STX8: variants seen among roughly 807,000 people sequenced by gnomAD.
STX8 encodes syntaxin-8.
A neutral mutation model predicts 37.5 loss-of-function variants in STX8; 23 were observed. The observed-to-expected ratio is 0.61, with a 90% confidence interval of 0.44 to 0.87. STX8 has a LOEUF of 0.87. STX8 is among the 40% of genes least tolerant of loss of function. The pLI is 0.00. For missense variants in STX8, 313 were observed against 284.7 expected, an observed-to-expected ratio of 1.10 and a Z score of -0.71; for synonymous variants, 115 against 99.1, an observed-to-expected ratio of 1.16 and a Z score of -0.95.
At chr17:9,474,916 G>A (rs1457490589) in intron 6 of STX8, among the ~76,000 whole-genome samples, 1 of 152,162 alleles carries the variant, frequency 6.6e-6, no homozygotes, top group Non-Finnish European at 1.5e-5. Flanking sequence ...AGGTTGCAGT[G>A]AGCTGATATC....
chr17:9,400,696 G>A (rs779458728), intron 6 of STX8, among the ~76,000 whole-genome samples: 12 of 152,156 alleles, frequency 7.9e-5, no homozygotes, highest in East Asian at 1.9e-4. Context: ...TGAGCCACCC[G>A]CGCCCGGCCG....
chr17:9,312,168 TA>T (rs1026138447), intron 7 of STX8, among the ~76,000 whole-genome samples: 1 of 150,792 alleles, frequency 6.6e-6, no homozygotes, highest in Non-Finnish European at 1.5e-5. Context: ...ATTAAACACA[TA>T]AAAAAACCTA....
chr17:9,270,672 A>C (rs1444651568), intron 7 of STX8, among the ~76,000 whole-genome samples: 2 of 152,244 alleles, frequency 1.3e-5, no homozygotes, highest in Non-Finnish European at 1.5e-5. Context: ...GAATGAGTGA[A>C]GAAATGAACG....
chr17:9,374,529 G>A (rs975979413), intron 7 of STX8, among the ~76,000 whole-genome samples: 3 of 152,112 alleles, frequency 2.0e-5, no homozygotes, highest in South Asian at 4.1e-4. Context: ...TTAAATACTT[G>A]ACTGACCCCC....
At chr17:9,253,207 GGTGTGTGTGTGTGTGT>G (rs36048368) in intron 7 of STX8, among the ~76,000 whole-genome samples, 31 of 140,940 alleles carry the variant, frequency 2.2e-4, no homozygotes, top group Non-Finnish European at 3.2e-4. Context: ...CAGGGGTAGG[GGTGTGTGTGTGTGTGT>G]GTGTGTGTGT....
intron 7 of STX8, among the ~76,000 whole-genome samples, chr17:9,356,708 TC>T (rs1237478985): frequency 6.6e-6 from 1 of 152,150 alleles, no homozygotes; most frequent in African/African-American, 2.4e-5. Flanking sequence ...CTAACAGTGT[TC>T]CCCATGGCAG....
chr17:9,517,607 A>G (rs1279055730), intron 4 of STX8, among the ~76,000 whole-genome samples: 1 of 152,104 alleles, frequency 6.6e-6, no homozygotes, highest in Non-Finnish European at 1.5e-5. Context: ...TTCAGCCCAC[A>G]TCTTGTGATT....
At chr17:9,432,194 C>T (rs1914009700) in intron 6 of STX8, among the ~76,000 whole-genome samples, 1 of 151,690 alleles carries the variant, frequency 6.6e-6, no homozygotes, top group Admixed American at 6.6e-5. Flanking sequence ...TAAAAAAGTT[C>T]CAATTGATTT....
At chr17:9,414,061 T>TCAA (rs1913077364) in intron 6 of STX8, among the ~76,000 whole-genome samples, 1 of 119,374 alleles carries the variant, frequency 8.4e-6, no homozygotes. Context: ...CGTCTGTCCA[T>TCAA]CCATCCATCC....
intron 7 of STX8, among the ~76,000 whole-genome samples, chr17:9,297,256 A>G (rs1908595346): frequency 6.6e-6 from 1 of 151,222 alleles, no homozygotes; most frequent in African/African-American, 2.4e-5. Context: ...AAAAAAAAAA[A>G]AGAAAAAAAA....
chr17:9,360,989 T>C (rs1326812800), intron 7 of STX8, among the ~76,000 whole-genome samples: 1 of 152,176 alleles, frequency 6.6e-6, no homozygotes, highest in Non-Finnish European at 1.5e-5. Context: ...CCAGAGAAAT[T>C]GACCTTCGTG....
intron 7 of STX8, among the ~76,000 whole-genome samples, chr17:9,268,978 C>A (rs374768577): frequency 1.3e-5 from 2 of 150,942 alleles, no homozygotes; most frequent in South Asian, 4.2e-4. Context: ...ATGAAGTCAG[C>A]AGATCGAGAC....
In STX8 at chr17:9,421,019, A is replaced by G. The variant is rs372901977; in HGVS notation, c.542-42366T>C. On this transcript the variant is annotated intron_variant, in intron 6 of 7. Coordinates refer to ENST00000306357, the MANE Select transcript of STX8 (RefSeq NM_004853.3). ...GAAACGCAACTGGACTATTGCAATAACCTCCAAATTCGTTTCCCCAACTTG... is the reference window on the plus strand; with the variant it reads ...GAAACGCAACTGGACTATTGCAATAGCCTCCAAATTCGTTTCCCCAACTTG... Among the ~76,000 whole-genome samples the G allele has an allele frequency of 2.8e-4, 43 of 152,142 alleles. 1 individual carries two copies. In the South Asian group the frequency reaches 8.3e-3, roughly 29 times the overall value.
At chr17:9,385,313 G>A (rs1020944372) in intron 6 of STX8, among the ~76,000 whole-genome samples, 2 of 152,010 alleles carry the variant, frequency 1.3e-5, no homozygotes, top group Non-Finnish European at 1.5e-5. Context: ...TATGATCCAC[G>A]CCTCATTCTC....
chr17:9,323,096 G>C lies in STX8; in HGVS notation c.643+55456C>G, dbSNP rs139598620. Reference sequence around the variant, plus strand: ...CTAGAGAGATGCTAATTTTTATCTTGCAAAAAGTAAAGAGAAGCCCCTTCA... The same window carrying C: ...CTAGAGAGATGCTAATTTTTATCTTCCAAAAAGTAAAGAGAAGCCCCTTCA... On this transcript the variant is annotated intron_variant, in intron 7 of 7. Transcript: ENST00000306357. 3.3e-5 allele frequency among the ~76,000 whole-genome samples: 5 copies of C among 152,064 alleles called. No homozygotes were observed. In the East Asian group the frequency reaches 7.7e-4, roughly 24 times the overall value.
intron 4 of STX8, among the ~76,000 whole-genome samples, chr17:9,512,368 A>G (rs1453397723): frequency 1.3e-5 from 2 of 152,224 alleles, no homozygotes; most frequent in African/African-American, 4.8e-5. Context: ...ATGTACTACA[A>G]TGCTGTTTTT....
chr17:9,537,007 C>G (rs1000497809), intron 4 of STX8, among the ~76,000 whole-genome samples: 7 of 152,172 alleles, frequency 4.6e-5, no homozygotes, highest in Admixed American at 4.6e-4. Flanking sequence ...CCTGGCCTCC[C>G]AAAGCGCTGG....
chr17:9,333,611 G>A (rs960834520), intron 7 of STX8, among the ~76,000 whole-genome samples: 9 of 152,252 alleles, frequency 5.9e-5, no homozygotes, highest in South Asian at 2.1e-4. Context: ...GGATGGTCTG[G>A]ATCTCCTGAC....
intron 7 of STX8, among the ~76,000 whole-genome samples, chr17:9,279,056 T>G (rs980993027): frequency 1.9e-5 from 2 of 105,264 alleles, no homozygotes; most frequent in African/African-American, 7.0e-5. Context: ...GTGTGTGTGT[T>G]TTTTGTTTTT....
Sources: allele counts gnomAD v4.1 joint callset (sites outside exome capture counted in the v4.1 genomes callset), GRCh38; gene constraint gnomAD v4.1.1; transcripts MANE v1.5; gene names NCBI Gene and HGNC (gene_info 2026-07-23, HGNC 2026-07-21).